SEC24B: variants seen among roughly 807,000 people sequenced by gnomAD.
The protein encoded by SEC24B is SEC24 homolog B, COPII component, also known as protein transport protein Sec24B.
A neutral mutation model predicts 142.8 loss-of-function variants in SEC24B; 45 were observed. That is an observed-to-expected ratio of 0.32 (90% CI 0.25 to 0.40). The LOEUF (loss-of-function observed/expected upper bound fraction) is 0.40, where lower values mean the gene tolerates loss of function less well. Ranked by LOEUF, SEC24B falls within the 10% of genes least tolerant of loss-of-function variation. The pLI is 1.00. For missense variants in SEC24B, 1,409 were observed against 1,526.8 expected (o/e 0.92, Z 1.29); for synonymous variants, 574 against 568.2 (o/e 1.01, Z -0.15).
intron 18 of SEC24B, among the ~76,000 whole-genome samples, chr4:109,529,555 G>A (rs1561185365): frequency 6.6e-6 from 1 of 152,036 alleles, no homozygotes; most frequent in Non-Finnish European, 1.5e-5. Flanking sequence ...AAAATTTGTT[G>A]GCTTGGAATG....
chr4:109,475,862 G>A (rs922380164), intron 3 of SEC24B, among the ~76,000 whole-genome samples: 1 of 151,664 alleles, frequency 6.6e-6, no homozygotes, highest in Non-Finnish European at 1.5e-5. Flanking sequence ...ACTCTATTGT[G>A]CTTTTCCATG....
At chr4:109,530,913 A>G (rs964468387) in intron 19 of SEC24B, among the ~76,000 whole-genome samples, 33 of 151,644 alleles carry the variant, frequency 2.2e-4, no homozygotes, top group African/African-American at 6.3e-4. Flanking sequence ...AAAAAAAAAA[A>G]AAAAAAAGAA....
At chr4:109,514,734 T>C (rs1737740975) in intron 10 of SEC24B, among the ~76,000 whole-genome samples, 2 of 152,128 alleles carry the variant, frequency 1.3e-5, no homozygotes, top group African/African-American at 4.8e-5. Flanking sequence ...CTATATCTTC[T>C]GTAGCTACAA....
chr4:109,507,173 TC>T (rs1736775727), intron 7 of SEC24B, among the ~76,000 whole-genome samples: 1 of 152,070 alleles, frequency 6.6e-6, no homozygotes, highest in South Asian at 2.1e-4. Context: ...GAATAGGATA[TC>T]CCCCTGGTCC....
At chr4:109,450,585 G>C (rs1161207350) in intron 1 of SEC24B, among the ~76,000 whole-genome samples, 1 of 151,262 alleles carries the variant, frequency 6.6e-6, no homozygotes, top group African/African-American at 2.4e-5. Context: ...TTGAACCCAG[G>C]GGGTGGAGGT....
Position 109,463,147 on chromosome 4 carries a change from T to G in SEC24B, c.380T>G (p.Val127Gly), listed in dbSNP as rs1731473191. ...YSRGPPAPHI[V>G]GSTLGSFQGA... ...AGGGGTCCTCCTGCCCCTCATATTG[T>G]GGGATCCACTCTAGGATCTTTCCAA... The change falls in exon 2 of 24, where the codon GTG (valine) becomes GGG (glycine). Residue 127 changes from valine (V) to glycine (G), a missense_variant. Physicochemically the swap from Val to Gly is moderately radical, Grantham distance 109. This residue lies in a region of SEC24B where 709 missense variants were observed against 673.5 expected (regional missense o/e 1.05). Coordinates refer to ENST00000265175, the MANE Select transcript of SEC24B (RefSeq NM_006323.5). The G allele has an allele frequency of 6.2e-7, 1 of 1,614,034 alleles. No homozygotes were observed. Among genetic ancestry groups the G allele is most frequent in the Admixed American group, 1.7e-5 (1 of 59,994 alleles).
chr4:109,444,415 CAGGT>C (rs369202454), intron 1 of SEC24B, among the ~76,000 whole-genome samples: 6 of 148,596 alleles, frequency 4.0e-5, no homozygotes, highest in African/African-American at 1.5e-4. Context: ...AAAGGGAAGT[CAGGT>C]AGAGAATTTT....
At chr4:109,505,903 C>G (rs1478048460) in intron 6 of SEC24B, among the ~76,000 whole-genome samples, 3 of 152,110 alleles carry the variant, frequency 2.0e-5, no homozygotes, top group Non-Finnish European at 2.9e-5. Context: ...GCCATTAATT[C>G]ATGATAATAT....
Position 109,494,674 on chromosome 4 carries a change from G to A in SEC24B, c.1306G>A (p.Ala436Thr), listed in dbSNP as rs779386553. Residue 436 changes from alanine to threonine, a missense_variant, in exon 6 of 24, where the codon GCT becomes ACT. Around this residue, in one of 2 missense-constraint regions of SEC24B, gnomAD observed 709 missense variants for 673.5 expected, o/e 1.05. Coordinates refer to ENST00000265175, the MANE Select transcript of SEC24B (RefSeq NM_006323.5). ...APDPAPEPDP[A>T]SAPAPASAPA... ...TGATCCCGCCCCTGAACCTGATCCTGCTTCTGCTCCAGCTCCAGCTTCAGC... is the reference window on the plus strand; with the variant it reads ...TGATCCCGCCCCTGAACCTGATCCTACTTCTGCTCCAGCTCCAGCTTCAGC... 33 of 1,613,952 alleles carry A rather than the reference G, an allele frequency of 2.0e-5. No individual in the cohort carries two copies. In the East Asian group the frequency reaches 7.4e-4, roughly 36 times the overall value.
chr4:109,508,681 C>G (rs746731594), intron 7 of SEC24B, among the ~76,000 whole-genome samples: 1 of 152,158 alleles, frequency 6.6e-6, no homozygotes, highest in African/African-American at 2.4e-5. Context: ...GAAAATGTCT[C>G]TTTTATCAAA....
chr4:109,480,758 C>G (rs139999982), intron 3 of SEC24B, among the ~76,000 whole-genome samples: 5 of 152,210 alleles, frequency 3.3e-5, no homozygotes, highest in Non-Finnish European at 7.3e-5. Flanking sequence ...GGATTACAGG[C>G]GTGAGCCACC....
intron 1 of SEC24B, chr4:109,449,603 C>A: frequency 2.3e-6 from 1 of 437,986 alleles, no homozygotes; most frequent in Non-Finnish European, 4.6e-6. Flanking sequence ...CTAATGAGGG[C>A]CCTCTATCCA....
rs1241471243 is a variant in SEC24B at position 109,506,436 on chromosome 4, A to G, written c.1597A>G (p.Ile533Val). The G allele has an allele frequency of 6.2e-7, 1 of 1,610,008 alleles. No homozygotes were observed. Among genetic ancestry groups the G allele is most frequent in the African/African-American group, 1.3e-5 (1 of 74,860 alleles). The change falls in exon 7 of 24, where the codon ATT becomes GTT. Residue 533 changes from isoleucine to valine, a missense_variant. Coordinates refer to ENST00000265175, the MANE Select transcript of SEC24B (RefSeq NM_006323.5). ...RPVNLTQERN[I>V]LPMTPVWAPV... The stretch of plus-strand genomic sequence containing the variant: ...TGTAAACCTTACTCAGGAGAGGAAT[A>G]TTTTACCTATGACTCCTGTTTGGGC...
intron 19 of SEC24B, among the ~76,000 whole-genome samples, chr4:109,530,733 C>T (rs2126093872): frequency 6.6e-6 from 1 of 151,814 alleles, no homozygotes; most frequent in Middle Eastern, 3.4e-3. Context: ...GAAACCCCGC[C>T]TCTACCAAAA....
chr4:109,517,798 T>C (rs1371882239), intron 11 of SEC24B, among the ~76,000 whole-genome samples: 1 of 152,284 alleles, frequency 6.6e-6, no homozygotes, highest in East Asian at 1.9e-4. Context: ...GAAATCTGGC[T>C]GTAATTTATG....
chr4:109,484,625 C>A (rs1329576667), intron 4 of SEC24B, among the ~76,000 whole-genome samples: 1 of 151,986 alleles, frequency 6.6e-6, no homozygotes, highest in African/African-American at 2.4e-5. Flanking sequence ...CCAAGGCAGG[C>A]GGATCACCTG....
Position 109,433,860 on chromosome 4 carries a change from C to A in SEC24B, c.-10C>A. ...CCTGAAGCGGAGCCGCCGTCGCCACCAGCGCCGTCATGTCGGCCCCCGCCG... is the reference window on the plus strand; with the variant it reads ...CCTGAAGCGGAGCCGCCGTCGCCACAAGCGCCGTCATGTCGGCCCCCGCCG... On this transcript the variant is annotated 5_prime_UTR_variant, in exon 1 of 24. Transcript: ENST00000265175. 7.6e-7 allele frequency: 1 copy of A among 1,323,606 alleles called. No homozygotes were observed. The highest frequency in any genetic ancestry group is 9.7e-7 in the Non-Finnish European group (1 of 1,034,058). 82.0% of individuals were successfully genotyped at this position (1,323,606 alleles called of 1,614,324 possible). A position where few individuals can be genotyped will look rare whatever the true frequency, so the allele number is the denominator to read the frequency against.
intron 14 of SEC24B, 45 bp downstream of exon 14, chr4:109,521,671 A>G (rs1163552038): frequency 7.5e-7 from 1 of 1,327,066 alleles, no homozygotes; most frequent in Non-Finnish European, 1.1e-6. Context: ...TTGTGTAATT[A>G]TTTGTTTATT....
At position 109,454,482 on chromosome 4, in the gene SEC24B, G is replaced by A. The variant is rs188886004; in HGVS notation, c.134-8419G>A. Among the ~76,000 whole-genome samples, 25 of 151,584 alleles carry A rather than the reference G, an allele frequency of 1.6e-4. No individual in the cohort carries two copies. The South Asian group carries it at 4.8e-3, about 29-fold the overall frequency. ...TGAACCCTCAGGTGGAGATTGGGGT[G>A]AGCTGAGATCGCACCACTGCACTCC... is the stretch of plus-strand genomic sequence containing the variant. On this transcript the variant is annotated intron_variant, in intron 1 of 23. Coordinates refer to ENST00000265175, the MANE Select transcript of SEC24B (RefSeq NM_006323.5).
Sources: gnomAD v4.1 joint callset for allele counts (sites outside exome capture counted in the v4.1 genomes callset) on GRCh38, gnomAD v4.1.1 for gene constraint, gnomAD v4.1.1 regional missense constraint, MANE v1.5 for transcripts, NCBI Gene and HGNC (gene_info 2026-07-23, HGNC 2026-07-21) for gene names.